SH3KBP1: variants seen among roughly 807,000 people sequenced by gnomAD.
SH3KBP1 encodes SH3 domain containing kinase binding protein 1.
A neutral mutation model predicts 50.1 loss-of-function variants in SH3KBP1; 8 were observed. The ratio of observed to expected loss-of-function variants is 0.16; its 90% CI spans 0.09 to 0.29. SH3KBP1 has a LOEUF of 0.29. Ranked by LOEUF, SH3KBP1 falls within the 10% of genes least tolerant of loss-of-function variation. The pLI, the probability that SH3KBP1 is intolerant of heterozygous loss-of-function variation, is 1.00. For synonymous variants in SH3KBP1, 227 were observed against 218.6 expected, an observed-to-expected ratio of 1.04 and a Z score of -0.34; for missense variants, 377 against 535.2, an observed-to-expected ratio of 0.70 and a Z score of 2.92.
intron 1 of SH3KBP1, among the ~76,000 whole-genome samples, chrX:19,850,293 C>T (rs2068470958): frequency 9.0e-6 from 1 of 110,618 alleles, no homozygotes; most frequent in African/African-American, 3.3e-5. Context: ...AAGTGATTCT[C>T]ATGTCTCAGC....
rs564195644 is a variant in SH3KBP1, at chrX:19,555,918, G to A, written c.1385-5835C>T. ...CCTACTCACCCATCATCGTGATCTCGGCATTTAGTGCCCTGTACTGACATT... is the reference window on the plus strand; with the variant it reads ...CCTACTCACCCATCATCGTGATCTCAGCATTTAGTGCCCTGTACTGACATT... On this transcript the variant is annotated intron_variant, in intron 13 of 17. Coordinates refer to ENST00000397821, the MANE Select transcript of SH3KBP1 (RefSeq NM_031892.3). Among the ~76,000 whole-genome samples, 11 of 111,710 alleles carry A rather than the reference G, an allele frequency of 9.8e-5. No homozygotes were observed. The South Asian group carries it at 2.3e-3, about 23-fold the overall frequency.
intron 2 of SH3KBP1, among the ~76,000 whole-genome samples, chrX:19,832,778 C>T (rs1258717377): frequency 1.8e-5 from 2 of 112,014 alleles, no homozygotes. Flanking sequence ...CAAAGCAGAG[C>T]AGGTGGGGCA....
intron 6 of SH3KBP1, 119 bp downstream of exon 6, chrX:19,683,704 A>G: frequency 6.5e-6 from 4 of 611,843 alleles, no homozygotes; most frequent in Non-Finnish European, 1.1e-5. Context: ...ACAAACAACT[A>G]GTACATGAGG....
chrX:19,878,762 T>C (rs923736832), intron 1 of SH3KBP1, among the ~76,000 whole-genome samples: 1 of 111,119 alleles, frequency 9.0e-6, no homozygotes, highest in Non-Finnish European at 1.9e-5. Flanking sequence ...GTTTTGGAAC[T>C]AGATAGTGGT....
rs190348139 is a variant in SH3KBP1, at chrX:19,708,630, T to C, written c.287-1646A>G. Among the ~76,000 whole-genome samples the C allele has an allele frequency of 2.1e-4, 24 of 111,826 alleles. No homozygotes were observed. In the Middle Eastern group the frequency reaches 0.014, roughly 64 times the overall value. ...AAGGCAAATCAAGTACCCTGTACCA[T>C]AAAGGATATGGATTTCTCATTCTAG... is the stretch of plus-strand genomic sequence containing the variant. On this transcript the variant is annotated intron_variant, in intron 3 of 17. Coordinates refer to ENST00000397821, the MANE Select transcript of SH3KBP1 (RefSeq NM_031892.3).
At chrX:19,765,914 T>C (rs1603219351) in intron 2 of SH3KBP1, among the ~76,000 whole-genome samples, 1 of 112,323 alleles carries the variant, frequency 8.9e-6, no homozygotes, top group Non-Finnish European at 1.9e-5. Context: ...AGAATGATAT[T>C]CTGTTGTATA....
At chrX:19,660,885 G>A (rs187942164) in intron 6 of SH3KBP1, among the ~76,000 whole-genome samples, 33 of 112,400 alleles carry the variant, frequency 2.9e-4, no homozygotes, top group African/African-American at 1.1e-3. Flanking sequence ...TACTCCTCCC[G>A]ATGCAGTTAA....
At chrX:19,654,929 A>T (rs1238615411) in intron 6 of SH3KBP1, among the ~76,000 whole-genome samples, 1 of 112,083 alleles carries the variant, frequency 8.9e-6, no homozygotes, top group African/African-American at 3.2e-5. Flanking sequence ...TAGCATACAA[A>T]GATCTTTTCA....
At chrX:19,739,470 A>G (rs1419992227) in intron 3 of SH3KBP1, among the ~76,000 whole-genome samples, 1 of 111,687 alleles carries the variant, frequency 9.0e-6, no homozygotes, top group African/African-American at 3.3e-5. Flanking sequence ...TGGAGCTATT[A>G]GGCAGGAGAT....
At chrX:19,743,088 C>T (rs867530265) in intron 3 of SH3KBP1, among the ~76,000 whole-genome samples, 2 of 111,580 alleles carry the variant, frequency 1.8e-5, no homozygotes, top group Non-Finnish European at 3.8e-5. Flanking sequence ...CTTTCTCTCT[C>T]TCAATTCCAG....
chrX:19,542,352 G>A (rs1233623753), intron 15 of SH3KBP1, among the ~76,000 whole-genome samples, 159 bp from the exon 16 acceptor site: 1 of 111,812 alleles, frequency 8.9e-6, no homozygotes, highest in Non-Finnish European at 1.9e-5. Context: ...GGGCCTGCTT[G>A]GTACAGGCAT....
intron 2 of SH3KBP1, among the ~76,000 whole-genome samples, chrX:19,761,555 T>C (rs185396209): frequency 2.6e-4 from 29 of 111,987 alleles, no homozygotes; most frequent in Admixed American, 1.9e-3. Flanking sequence ...TATGTGCATA[T>C]AGAGAAAAGC....
At chrX:19,827,886 CAAA>C (rs750250856) in intron 2 of SH3KBP1, among the ~76,000 whole-genome samples, 4 of 68,500 alleles carry the variant, frequency 5.8e-5, no homozygotes, top group African/African-American at 5.6e-4. Context: ...GTCTGTTAAA[CAAA>C]AAAACAAACA....
chrX:19,584,136 T>C (rs1291454985), intron 12 of SH3KBP1, among the ~76,000 whole-genome samples: 1 of 94,285 alleles, frequency 1.1e-5, no homozygotes, highest in Non-Finnish European at 2.0e-5. Flanking sequence ...ACCATATTAA[T>C]AATATATATT....
rs958957719 is a variant in SH3KBP1 at position 19,535,404 on chromosome X, T to C, written c.*1013A>G. ...AGGAAATAATACAACTTTCCCTCCC[T>C]TGTTTTCATTTGCATTTTACTTTTA... is the stretch of plus-strand genomic sequence containing the variant. On this transcript the variant is annotated 3_prime_UTR_variant, in exon 18 of 18. Transcript: ENST00000397821. 3 of 129,153 alleles carry C rather than the reference T, an allele frequency of 2.3e-5. No individual in the cohort carries two copies. The highest frequency in any genetic ancestry group is 9.4e-5 in the African/African-American group (3 of 31,808). The allele number at this position is 129,153 out of a possible 1,213,427, so 10.6% of individuals were successfully genotyped here.
intron 1 of SH3KBP1, among the ~76,000 whole-genome samples, chrX:19,839,740 C>A (rs2068170035): frequency 8.9e-6 from 1 of 112,430 alleles, no homozygotes; most frequent in African/African-American, 3.2e-5. Context: ...GCCTCTCTGG[C>A]CCCTGCCACT....
chrX:19,814,010 G>A lies in SH3KBP1; in HGVS notation c.162+22115C>T, dbSNP rs376589751. On this transcript the variant is annotated intron_variant, in intron 2 of 17. Coordinates refer to ENST00000397821, the MANE Select transcript of SH3KBP1 (RefSeq NM_031892.3). The stretch of plus-strand genomic sequence containing the variant: ...GAATTGTAGTGCCAGAGGTGGTTCT[G>A]TGGTGGGCCTGGGCTGACAGCCGGG... Among the ~76,000 whole-genome samples, 77 of 111,459 alleles carry A rather than the reference G, an allele frequency of 6.9e-4. 2 individuals carry two copies. The South Asian group carries it at 0.029, about 42-fold the overall frequency.
intron 2 of SH3KBP1, among the ~76,000 whole-genome samples, chrX:19,767,502 G>T (rs745746393): frequency 8.9e-6 from 1 of 111,755 alleles, no homozygotes; most frequent in Admixed American, 9.5e-5. Flanking sequence ...TATTTTTAGA[G>T]TAGAAAGGGA....
intron 8 of SH3KBP1, among the ~76,000 whole-genome samples, chrX:19,625,136 T>C (rs957124932): frequency 3.6e-5 from 4 of 112,250 alleles, no homozygotes; most frequent in African/African-American, 1.3e-4. Context: ...AGGCTGCTTC[T>C]CTTTGTGAAG....
Sources: gnomAD v4.1 joint callset for allele counts (sites outside exome capture counted in the v4.1 genomes callset) on GRCh38, gnomAD v4.1.1 for gene constraint, MANE v1.5 for transcripts, NCBI Gene and HGNC (gene_info 2026-07-23, HGNC 2026-07-21) for gene names.